The following ADRA1D variants were observed in gnomAD, a reference collection of about 807,000 sequenced individuals.
The protein encoded by ADRA1D is alpha-1D adrenergic receptor.
In ADRA1D, 22 loss-of-function variants were observed where a neutral mutation model predicts 18.6. The ratio of observed to expected loss-of-function variants is 1.19; its 90% CI spans 0.85 to 1.69. The LOEUF (loss-of-function observed/expected upper bound fraction) is 1.69. Ranked by LOEUF, ADRA1D falls within the 40% of genes most tolerant of loss-of-function variation. The probability of loss-of-function intolerance (pLI) is 0.00; values close to 1 mark genes in which losing one functional copy is unlikely to be tolerated. For missense variants in ADRA1D, 840 were observed against 840.7 expected (o/e 1.00, Z 0.01); for synonymous variants, 376 against 388.2 (o/e 0.97, Z 0.37).
Position 4,249,101 on chromosome 20 carries a change from G to T in ADRA1D, c.-144C>A. 1.5e-6 allele frequency: 1 copy of T among 655,476 alleles called. No homozygotes were observed. Among genetic ancestry groups the T allele is most frequent in the Non-Finnish European group, 2.0e-6 (1 of 510,536 alleles). The allele number at this position is 655,476 out of a possible 1,614,324, so 40.6% of individuals were successfully genotyped here. A position where few individuals can be genotyped will look rare whatever the true frequency, so the allele number is the denominator to read the frequency against. On this transcript the variant is annotated 5_prime_UTR_variant, in exon 1 of 2. Coordinates refer to ENST00000379453, the MANE Select transcript of ADRA1D (RefSeq NM_000678.4). ...GTCCTGCCCAAGTTCCTGTGACGCGGAGCGCGGCTGTCCGAGAGCGGAGCT... is the reference window on the plus strand; with the variant it reads ...GTCCTGCCCAAGTTCCTGTGACGCGTAGCGCGGCTGTCCGAGAGCGGAGCT...
intron 1 of ADRA1D, among the ~76,000 whole-genome samples, chr20:4,242,858 TTGTG>T (rs143064051): frequency 1.2e-4 from 18 of 151,114 alleles, no homozygotes; most frequent in Non-Finnish European, 2.2e-4. Context: ...GGTGGGGCTG[TTGTG>T]TGTGTGTGTG....
At chr20:4,226,997 A>G (rs1229904765) in intron 1 of ADRA1D, among the ~76,000 whole-genome samples, 3 of 152,184 alleles carry the variant, frequency 2.0e-5, no homozygotes, top group African/African-American at 7.2e-5. Flanking sequence ...TCATGGGCCC[A>G]CAGCCTCATG....
chr20:4,230,029 C>T (rs1017515218), intron 1 of ADRA1D, among the ~76,000 whole-genome samples: 1 of 152,178 alleles, frequency 6.6e-6, no homozygotes, highest in Non-Finnish European at 1.5e-5. Flanking sequence ...CAGATGCACA[C>T]CCACCTTGGC....
chr20:4,231,032 C>CTT (rs1568764530), intron 1 of ADRA1D, among the ~76,000 whole-genome samples: 70 of 133,652 alleles, frequency 5.2e-4, no homozygotes, highest in African/African-American at 1.7e-3. Flanking sequence ...CTTTCTCTTT[C>CTT]TTTCTTTTTC....
In ADRA1D at chr20:4,248,808, C is replaced by G; in HGVS notation, c.150G>C (p.Ala50=). The G allele has an allele frequency of 9.1e-7, 1 of 1,099,422 alleles. No homozygotes were observed. Among genetic ancestry groups the G allele is most frequent in the Non-Finnish European group, 1.1e-6 (1 of 905,212 alleles). 68.1% of individuals were successfully genotyped at this position (1,099,422 alleles called of 1,614,324 possible). A position where few individuals can be genotyped will look rare whatever the true frequency, so the allele number is the denominator to read the frequency against. ...CGCCCACCACGCCGCCGCCGCCGCCCGCGCCCCCCGGCACGCCGCCCACCG... is the reference window on the plus strand; with the variant it reads ...CGCCCACCACGCCGCCGCCGCCGCCGGCGCCCCCCGGCACGCCGCCCACCG... The part of the protein sequence containing the change: ...GPAVGGVPGG[A]GGGGGVVGAG... The change falls in exon 1 of 2, where the codon GCG becomes GCC. Residue 50 remains alanine, a synonymous_variant. Transcript: ENST00000379453.
intron 1 of ADRA1D, among the ~76,000 whole-genome samples, chr20:4,237,102 A>G (rs910754758): frequency 6.6e-5 from 10 of 152,154 alleles, no homozygotes; most frequent in African/African-American, 2.4e-4. Context: ...GGAAATGTGG[A>G]TCTGAAGGGG....
chr20:4,229,943 A>C (rs1255527042), intron 1 of ADRA1D, among the ~76,000 whole-genome samples: 1 of 150,790 alleles, frequency 6.6e-6, no homozygotes, highest in African/African-American at 2.4e-5. Flanking sequence ...TGTCCCCCCA[A>C]ATCTCTCCTC....
At chr20:4,223,287 A>G (rs191308657) in intron 1 of ADRA1D, among the ~76,000 whole-genome samples, 1 of 152,350 alleles carries the variant, frequency 6.6e-6, no homozygotes, top group Non-Finnish European at 1.5e-5. Flanking sequence ...CTGTAAAAAT[A>G]TTTTGATGGC....
chr20:4,231,301 T>G (rs1042885650), intron 1 of ADRA1D, among the ~76,000 whole-genome samples: 1 of 150,558 alleles, frequency 6.6e-6, no homozygotes, highest in Non-Finnish European at 1.5e-5. Flanking sequence ...ATTATTTTTG[T>G]AAAGACAGGG....
intron 1 of ADRA1D, among the ~76,000 whole-genome samples, chr20:4,232,057 C>T (rs1214409654): frequency 6.6e-6 from 1 of 152,192 alleles, no homozygotes; most frequent in Non-Finnish European, 1.5e-5. Flanking sequence ...GGAATACAGG[C>T]GCCCACAACC....
At chr20:4,223,060 G>T (rs1980711533) in intron 1 of ADRA1D, among the ~76,000 whole-genome samples, 1 of 151,122 alleles carries the variant, frequency 6.6e-6, no homozygotes, top group African/African-American at 2.4e-5. Context: ...TCACTTTTGG[G>T]AAATGACAGT....
chr20:4,223,404 G>A (rs2122654236), intron 1 of ADRA1D, among the ~76,000 whole-genome samples: 1 of 152,318 alleles, frequency 6.6e-6, no homozygotes, highest in East Asian at 1.9e-4. Flanking sequence ...TGCCTAAGGA[G>A]TCTGTAACAA....
Position 4,249,137 on chromosome 20 carries a change from G to T in ADRA1D, c.-180C>A. The T allele has an allele frequency of 2.7e-6, 1 of 369,782 alleles. No individual in the cohort carries two copies. The highest frequency in any genetic ancestry group is 3.9e-6 in the Non-Finnish European group (1 of 254,308). The allele number at this position is 369,782 out of a possible 1,614,324, so 22.9% of individuals were successfully genotyped here. ...TCCGAGAGCGGAGCTGCCTGGCCCG[G>T]GCGGCGGCCGGGCTCCCCGAGGCCG... is the stretch of plus-strand genomic sequence containing the variant. On this transcript the variant is annotated 5_prime_UTR_variant, in exon 1 of 2. Coordinates refer to ENST00000379453, the MANE Select transcript of ADRA1D (RefSeq NM_000678.4).
rs890664407 is a variant in ADRA1D at position 4,248,362 on chromosome 20, C to T, written c.596G>A (p.Arg199His). ...GATGGCTGGGTACTTGAGTGAGTGG[C>T]GCACGCCCACGTACCGGTCCACGGA... ...TISVDRYVGV[R>H]HSLKYPAIMT... Residue 199 changes from arginine to histidine, a missense_variant, in exon 1 of 2, where the codon CGC becomes CAC. Physicochemically the swap from Arg to His is conservative, Grantham distance 29. Transcript: ENST00000379453. The T allele has an allele frequency of 3.1e-6, 5 of 1,606,454 alleles. No individual in the cohort carries two copies. Among genetic ancestry groups the T allele is most frequent in the Non-Finnish European group, 3.4e-6 (4 of 1,176,728 alleles).
chr20:4,220,630 G>A lies in ADRA1D; in HGVS notation c.*893C>T, dbSNP rs1431413605. The A allele has an allele frequency of 6.6e-6, 1 of 152,482 alleles. No individual in the cohort carries two copies. The highest frequency in any genetic ancestry group is 2.4e-5 in the African/African-American group (1 of 41,372). 9.4% of individuals were successfully genotyped at this position (152,482 alleles called of 1,614,324 possible). A position where few individuals can be genotyped will look rare whatever the true frequency, so the allele number is the denominator to read the frequency against. On this transcript the variant is annotated 3_prime_UTR_variant, in exon 2 of 2. Transcript: ENST00000379453. ...GAGTCAGTTAAGTTGAAACTAGAAAGGCAAATGTAGACCCAATCTATTCTG... is the reference window on the plus strand; with the variant it reads ...GAGTCAGTTAAGTTGAAACTAGAAAAGCAAATGTAGACCCAATCTATTCTG...
chr20:4,237,992 A>G (rs973544200), intron 1 of ADRA1D, among the ~76,000 whole-genome samples: 2 of 150,900 alleles, frequency 1.3e-5, no homozygotes, highest in Non-Finnish European at 3.0e-5. Context: ...TCAAACCTGT[A>G]ATCCCAGCAC....
chr20:4,248,162 G>A lies in ADRA1D; in HGVS notation c.796C>T (p.Pro266Ser), dbSNP rs754830579. Residue 266 changes from proline (P) to serine (S), a missense_variant, in exon 1 of 2, where the codon CCC becomes TCC. Transcript: ENST00000379453. The stretch of plus-strand genomic sequence containing the variant: ...TACATGACCACGATGACCGCCATGG[G>A]CAGGTAGAAGGAGCACACGGAGGAG... ...VFSSVCSFYL[P>S]MAVIVVMYCR... The A allele has an allele frequency of 1.9e-6, 3 of 1,582,152 alleles. No individual in the cohort carries two copies. Among genetic ancestry groups the A allele is most frequent in the Non-Finnish European group, 2.6e-6 (3 of 1,164,106 alleles).
intron 1 of ADRA1D, among the ~76,000 whole-genome samples, chr20:4,232,962 C>T (rs1017012958): frequency 6.6e-6 from 1 of 152,198 alleles, no homozygotes; most frequent in Non-Finnish European, 1.5e-5. Context: ...CTCTTCCCCT[C>T]TGGCTTCCCG....
intron 1 of ADRA1D, among the ~76,000 whole-genome samples, chr20:4,237,632 T>C (rs933533869): frequency 2.0e-5 from 3 of 149,276 alleles, no homozygotes; most frequent in African/African-American, 7.4e-5. Flanking sequence ...TGGGAAAAGG[T>C]GTCCTAATCA....
Sources: allele counts gnomAD v4.1 joint callset (sites outside exome capture counted in the v4.1 genomes callset), GRCh38; gene constraint gnomAD v4.1.1; transcripts MANE v1.5; gene names NCBI Gene and HGNC (gene_info 2026-07-23, HGNC 2026-07-21).